Variants in SLC20A1 observed in about 807,000 individuals in gnomAD.
SLC20A1 encodes sodium-dependent phosphate transporter 1.
SLC20A1 carries 28 observed loss-of-function variants against 62.7 expected under a neutral mutation model. The observed-to-expected ratio is 0.45, with a 90% confidence interval of 0.33 to 0.61. The LOEUF (loss-of-function observed/expected upper bound fraction) is 0.61, where lower values mean the gene tolerates loss of function less well. Ranked by LOEUF, SLC20A1 falls within the 20% of genes least tolerant of loss-of-function variation. SLC20A1 has a pLI of 0.02. For missense variants in SLC20A1, 673 were observed against 838.6 expected (o/e 0.80, Z 2.44); for synonymous variants, 305 against 302.9 (o/e 1.01, Z -0.07).
rs138559588 is a variant in SLC20A1, at chr2:112,659,502, A to G, written c.1347A>G (p.Thr449=). The G allele has an allele frequency of 6.2e-7, 1 of 1,614,138 alleles. No homozygotes were observed. The highest frequency in any genetic ancestry group is 1.3e-5 in the African/African-American group (1 of 74,952). Residue 449 remains threonine, a synonymous_variant, in exon 8 of 11, where the codon ACA becomes ACG. Transcript: ENST00000272542. ...EQKGEEMEKL[T]WPNADSKKRI... is the part of the protein sequence containing the mutation. ...AGGGCGAAGAAATGGAGAAGCTGAC[A>G]TGGCCTAATGCAGACTCCAAGAAGC...
rs1466317800 is a variant in SLC20A1 at position 112,646,016 on chromosome 2, G to C, written c.-380G>C. ...ACCCCCGCGGCTGCTTCCTGGGAAG[G>C]TCGTGAGTCCCGCTGAGCTGTCCCC... On this transcript the variant is annotated 5_prime_UTR_variant, in exon 1 of 11. Transcript: ENST00000272542. 1 of 151,970 alleles carries C rather than the reference G, an allele frequency of 6.6e-6. No individual in the cohort carries two copies. The highest frequency in any genetic ancestry group is 1.5e-5 in the Non-Finnish European group (1 of 68,220). 9.4% of individuals were successfully genotyped at this position (151,970 alleles called of 1,614,324 possible).
At chr2:112,652,667 C>T (rs752615710) in intron 4 of SLC20A1, 35 bp from the exon 5 acceptor site, 1 of 1,525,566 alleles carries the variant, frequency 6.6e-7, no homozygotes, top group South Asian at 1.1e-5. Flanking sequence ...AACCTTTATA[C>T]CTTTTAAGAT....
chr2:112,656,498 G>A (rs1686594145), intron 5 of SLC20A1, among the ~76,000 whole-genome samples: 1 of 152,188 alleles, frequency 6.6e-6, no homozygotes, highest in African/African-American at 2.4e-5. Flanking sequence ...ACCGTGCCTG[G>A]CTGAAAGACA....
chr2:112,650,434 G>C (rs769830283), intron 4 of SLC20A1, among the ~76,000 whole-genome samples: 5 of 151,044 alleles, frequency 3.3e-5, no homozygotes, highest in Non-Finnish European at 7.4e-5. Flanking sequence ...TCGGGCTCAA[G>C]CAATTCTCCT....
At chr2:112,660,670 T>G (rs1434650033) in intron 9 of SLC20A1, 98 bp downstream of exon 9, 20 of 999,794 alleles carry the variant, frequency 2.0e-5, no homozygotes, top group Non-Finnish European at 2.7e-5. Context: ...GTAACCAAGT[T>G]TGTATAAGTT....
chr2:112,655,441 C>T (rs1484555903), intron 5 of SLC20A1, among the ~76,000 whole-genome samples: 1 of 150,624 alleles, frequency 6.6e-6, no homozygotes, highest in East Asian at 2.0e-4. Context: ...TCGTACATAA[C>T]AAGCAAAATA....
At chr2:112,647,976 G>A (rs1420985301) in intron 4 of SLC20A1, among the ~76,000 whole-genome samples, 3 of 152,152 alleles carry the variant, frequency 2.0e-5, no homozygotes, top group East Asian at 1.9e-4. Context: ...AGAAGTAGGA[G>A]AAACTGGGAG....
chr2:112,659,534 G>T lies in SLC20A1; in HGVS notation c.1379G>T (p.Arg460Leu). The change falls in exon 8 of 11, where the codon CGA becomes CTA. Residue 460 changes from arginine to leucine, a missense_variant. Transcript: ENST00000272542. ...WPNADSKKRI[R>L]MDSYTSYCNA... ...AATGCAGACTCCAAGAAGCGAATTC[G>T]AATGGACAGTTACACCAGTTACTGC... is the stretch of plus-strand genomic sequence containing the variant. 6.2e-7 allele frequency: 1 copy of T among 1,614,220 alleles called. No homozygotes were observed. The highest frequency in any genetic ancestry group is 8.5e-7 in the Non-Finnish European group (1 of 1,180,040).
chr2:112,660,850 G>GC, intron 9 of SLC20A1: 2 of 243,264 alleles, frequency 8.2e-6, no homozygotes, highest in Non-Finnish European at 1.4e-5. Flanking sequence ...CCTTTTATTT[G>GC]TCTTGGGAGC....
Position 112,648,861 on chromosome 2 carries a change from T to G in SLC20A1, c.561+1123T>G, listed in dbSNP as rs78276513. ...TCCCACTCCCTACAACTGTAGTGTA[T>G]GATACTGGGATGCTTAAATTAGAGG... On this transcript the variant is annotated intron_variant, in intron 4 of 10. Coordinates refer to ENST00000272542, the MANE Select transcript of SLC20A1 (RefSeq NM_005415.5). 3.2e-3 allele frequency among the ~76,000 whole-genome samples: 482 copies of G among 152,386 alleles called. 10 individuals are homozygous for G. The East Asian group carries it at 0.069, about 22-fold the overall frequency.
chr2:112,650,334 C>CTT (rs398042584), intron 4 of SLC20A1, among the ~76,000 whole-genome samples: 78 of 134,880 alleles, frequency 5.8e-4, no homozygotes, highest in Admixed American at 8.9e-4. Flanking sequence ...TTTTTGGAGC[C>CTT]TTTTTTTTTT....
At position 112,659,709 on chromosome 2, in the gene SLC20A1, G is replaced by A; in HGVS notation, c.1554G>A (p.Leu518=). Residue 518 remains leucine (L), a synonymous_variant, in exon 8 of 11, where the codon CTG becomes CTA. Coordinates refer to ENST00000272542, the MANE Select transcript of SLC20A1 (RefSeq NM_005415.5). ...AAGTCTCTCTCCTCTTCCAGTTCCT[G>A]CAGATCCTTACAGCCTGCTTTGGGT... ...KPEVSLLFQF[L]QILTACFGSF... is the part of the protein sequence containing the mutation. 1 of 1,614,206 alleles carries A rather than the reference G, an allele frequency of 6.2e-7. No individual in the cohort carries two copies. Among genetic ancestry groups the A allele is most frequent in the Non-Finnish European group, 8.5e-7 (1 of 1,180,022 alleles).
At position 112,652,796 on chromosome 2, in the gene SLC20A1, C is replaced by T. The variant is rs760415578; in HGVS notation, c.656C>T (p.Pro219Leu). Residue 219 changes from proline to leucine, a missense_variant and splice_region_variant, in exon 5 of 11, where the codon CCG becomes CTG. Transcript: ENST00000272542. ...TTTTCCATCATGTATACTGGAGCAC[C>T]GTGTAAGTACCTATCAAAATATTTA... ...NLFSIMYTGA[P>L]LLGFDKLPLW... The T allele has an allele frequency of 1.4e-5, 23 of 1,612,940 alleles. No homozygotes were observed. In the East Asian group the frequency reaches 3.1e-4, roughly 22 times the overall value.
At chr2:112,654,878 A>G (rs532210376) in intron 5 of SLC20A1, among the ~76,000 whole-genome samples, 86 of 141,520 alleles carry the variant, frequency 6.1e-4, no homozygotes, top group African/African-American at 2.2e-3. Context: ...CCTGGGCGAC[A>G]GAGTGCGATG....
chr2:112,652,642 C>T, intron 4 of SLC20A1, 60 bp from the exon 5 acceptor site: 1 of 1,347,584 alleles, frequency 7.4e-7, no homozygotes, highest in African/African-American at 1.4e-5. Context: ...TTAAAAGATT[C>T]TGTGGAAATG....
At chr2:112,654,642 A>T (rs1686534511) in intron 5 of SLC20A1, among the ~76,000 whole-genome samples, 1 of 152,122 alleles carries the variant, frequency 6.6e-6, no homozygotes, top group African/African-American at 2.4e-5. Context: ...CATGCTTGTA[A>T]TCCCAGCACT....
At chr2:112,662,598 A>T (rs1255275120) in intron 10 of SLC20A1, among the ~76,000 whole-genome samples, 2 of 152,246 alleles carry the variant, frequency 1.3e-5, no homozygotes, top group Non-Finnish European at 2.9e-5. Context: ...AATAAATAAA[A>T]GCAGTATATA....
chr2:112,661,011 G>A lies in SLC20A1; in HGVS notation c.1794-131G>A. 6.5e-6 allele frequency: 4 copies of A among 617,918 alleles called. No homozygotes were observed. The South Asian group carries it at 6.7e-5, about 10-fold the overall frequency. The allele number at this position is 617,918 out of a possible 1,614,324, so 38.3% of individuals were successfully genotyped here. ...AATAAAGTAGATCTTAGGGGTTATA[G>A]CAAATAAAGATGTCAGTGGAGGTTT... On this transcript the variant is annotated intron_variant, in intron 9 of 10. Coordinates refer to ENST00000272542, the MANE Select transcript of SLC20A1 (RefSeq NM_005415.5).
At chr2:112,662,657 G>A (rs982462702) in intron 10 of SLC20A1, among the ~76,000 whole-genome samples, 12 of 152,248 alleles carry the variant, frequency 7.9e-5, no homozygotes, top group African/African-American at 2.7e-4. Context: ...AATAGTTCTT[G>A]TGTCCTTTTA....
Sources: allele counts gnomAD v4.1 joint callset (sites outside exome capture counted in the v4.1 genomes callset), GRCh38; gene constraint gnomAD v4.1.1; transcripts MANE v1.5; gene names NCBI Gene and HGNC (gene_info 2026-07-23, HGNC 2026-07-21).